The following INTS9 variants were observed in gnomAD, a reference collection of about 807,000 sequenced individuals.
The protein encoded by INTS9 is integrator complex subunit 9, also known as protein related to CPSF subunits of 74 kDa.
Under a neutral mutation model 79.7 loss-of-function variants are expected in INTS9, and 55 were observed. The observed-to-expected ratio is 0.69, with a 90% confidence interval of 0.56 to 0.86. The LOEUF (loss-of-function observed/expected upper bound fraction) is 0.86, where lower values mean the gene tolerates loss of function less well. Ranked by LOEUF, INTS9 falls within the 40% of genes least tolerant of loss-of-function variation. INTS9 has a pLI of 0.00. For synonymous variants in INTS9, 319 were observed against 325.2 expected (o/e 0.98, Z 0.20); for missense variants, 721 against 831.5 (o/e 0.87, Z 1.64).
chr8:28,850,867 C>A (rs1807791578), intron 2 of INTS9, among the ~76,000 whole-genome samples: 1 of 152,270 alleles, frequency 6.6e-6, no homozygotes, highest in Admixed American at 6.5e-5. Context: ...CAAAATGACA[C>A]CATGTCTAAA....
intron 11 of INTS9, among the ~76,000 whole-genome samples, chr8:28,781,507 T>C (rs1482630440): frequency 6.6e-6 from 1 of 152,178 alleles, no homozygotes; most frequent in Non-Finnish European, 1.5e-5. Context: ...AACCTGCACA[T>C]GAATGTCCTA....
intron 8 of INTS9, among the ~76,000 whole-genome samples, chr8:28,800,042 T>C (rs1410308435): frequency 6.6e-6 from 1 of 152,220 alleles, no homozygotes; most frequent in Non-Finnish European, 1.5e-5. Context: ...CTGGGGCATC[T>C]AATACTTTCT....
At chr8:28,839,328 G>C (rs1021422673) in intron 4 of INTS9, among the ~76,000 whole-genome samples, 1 of 151,934 alleles carries the variant, frequency 6.6e-6, no homozygotes, top group African/African-American at 2.4e-5. Flanking sequence ...ATGCTCATGG[G>C]TAGGAAGAAT....
intron 11 of INTS9, among the ~76,000 whole-genome samples, chr8:28,785,275 T>C (rs957797047): frequency 6.6e-6 from 1 of 152,278 alleles, no homozygotes; most frequent in African/African-American, 2.4e-5. Context: ...TTTTTGGGAC[T>C]ATAAATGATC....
At chr8:28,859,689 A>G in intron 1 of INTS9, 126 bp from the exon 2 acceptor site, 1 of 1,074,828 alleles carries the variant, frequency 9.3e-7, no homozygotes, top group Non-Finnish European at 1.4e-6. Flanking sequence ...CTAACTTTCT[A>G]TGTGGTTTCC....
intron 6 of INTS9, among the ~76,000 whole-genome samples, chr8:28,829,634 G>A (rs1585426926): frequency 6.6e-6 from 1 of 152,122 alleles, no homozygotes; most frequent in Admixed American, 6.5e-5. Context: ...TTAATTCTAG[G>A]CACTTGACAA....
At chr8:28,814,097 G>T (rs1441527901) in intron 6 of INTS9, among the ~76,000 whole-genome samples, 1 of 151,758 alleles carries the variant, frequency 6.6e-6, no homozygotes, top group Non-Finnish European at 1.5e-5. Context: ...TAGAGACATG[G>T]TCTTGCTATG....
intron 1 of INTS9, among the ~76,000 whole-genome samples, chr8:28,877,960 T>C (rs1013930206): frequency 6.6e-6 from 1 of 152,200 alleles, no homozygotes; most frequent in Non-Finnish European, 1.5e-5. Context: ...GAAAGCAGTA[T>C]TGAAAATATC....
chr8:28,819,037 C>G (rs957321462), intron 6 of INTS9, among the ~76,000 whole-genome samples: 4 of 152,028 alleles, frequency 2.6e-5, no homozygotes, highest in Non-Finnish European at 4.4e-5. Flanking sequence ...TTTGATTCTT[C>G]TCTCTTTTCT....
chr8:28,792,327 T>C (rs1335304357), intron 10 of INTS9, among the ~76,000 whole-genome samples: 3 of 151,906 alleles, frequency 2.0e-5, no homozygotes, highest in Admixed American at 6.6e-5. Context: ...TAAGGGGTGA[T>C]GTAAAAAAAG....
chr8:28,784,491 A>G (rs1803472074), intron 11 of INTS9, among the ~76,000 whole-genome samples: 1 of 152,240 alleles, frequency 6.6e-6, no homozygotes, highest in South Asian at 2.1e-4. Flanking sequence ...GGACCAAAAA[A>G]TAACTTCTTC....
chr8:28,813,182 C>G (rs1214871813), intron 7 of INTS9, among the ~76,000 whole-genome samples: 1 of 152,154 alleles, frequency 6.6e-6, no homozygotes. Context: ...TCAAAAGTCA[C>G]ACTTGACAAA....
intron 1 of INTS9, among the ~76,000 whole-genome samples, chr8:28,866,541 C>T (rs1356148303): frequency 6.6e-6 from 1 of 152,166 alleles, no homozygotes; most frequent in Non-Finnish European, 1.5e-5. Context: ...TTTCCTAGTA[C>T]TCTTTTCACT....
At chr8:28,865,472 T>TAA (rs78350760) in intron 1 of INTS9, among the ~76,000 whole-genome samples, 5 of 116,500 alleles carry the variant, frequency 4.3e-5, no homozygotes, top group Admixed American at 1.8e-4. Flanking sequence ...ACCCCATCTC[T>TAA]AAAAAAAAAA....
intron 6 of INTS9, among the ~76,000 whole-genome samples, chr8:28,828,971 C>A (rs1451600600): frequency 6.6e-6 from 1 of 152,176 alleles, no homozygotes; most frequent in Non-Finnish European, 1.5e-5. Flanking sequence ...GCATGAGCCA[C>A]CACGCCCAGC....
intron 8 of INTS9, among the ~76,000 whole-genome samples, chr8:28,797,853 G>T (rs534424371): frequency 6.6e-6 from 1 of 152,022 alleles, no homozygotes; most frequent in Non-Finnish European, 1.5e-5. Context: ...ACCCAATTTC[G>T]CAGTAAATAA....
At chr8:28,815,463 C>A (rs1212854496) in intron 6 of INTS9, among the ~76,000 whole-genome samples, 2 of 152,068 alleles carry the variant, frequency 1.3e-5, no homozygotes, top group African/African-American at 2.4e-5. Flanking sequence ...AATCTGAAAA[C>A]CTGAAGTCAG....
chr8:28,845,177 T>A (rs1316273064), intron 4 of INTS9, among the ~76,000 whole-genome samples: 1 of 152,226 alleles, frequency 6.6e-6, no homozygotes, highest in Non-Finnish European at 1.5e-5. Context: ...AAAACAACCC[T>A]CATTTACTGG....
intron 4 of INTS9, among the ~76,000 whole-genome samples, chr8:28,840,245 C>T (rs1298327639): frequency 6.6e-6 from 1 of 151,548 alleles, no homozygotes; most frequent in Non-Finnish European, 1.5e-5. Flanking sequence ...CAATGAGATA[C>T]CATCTCACAC....
Sources: gnomAD v4.1 joint callset for allele counts (sites outside exome capture counted in the v4.1 genomes callset) on GRCh38, gnomAD v4.1.1 for gene constraint, MANE v1.5 for transcripts, NCBI Gene and HGNC (gene_info 2026-07-23, HGNC 2026-07-21) for gene names.